LONP1: variants seen among roughly 807,000 people sequenced by gnomAD.
LONP1 encodes the protein lon peptidase 1, mitochondrial, also known as lon protease homolog, mitochondrial.
A neutral mutation model predicts 98.5 loss-of-function variants in LONP1; 31 were observed. That is an observed-to-expected ratio of 0.31 (90% CI 0.24 to 0.42). The LOEUF is 0.42. Ranked by LOEUF, LONP1 falls within the 20% of genes least tolerant of loss-of-function variation. The pLI is 1.00. For missense variants in LONP1, 1,336 were observed against 1,350.6 expected (o/e 0.99, Z 0.17); for synonymous variants, 781 against 594.7 (o/e 1.31, Z -4.56).
At chr19:5,705,390 G>A (rs551412598) in intron 8 of LONP1, among the ~76,000 whole-genome samples, 29 of 150,854 alleles carry the variant, frequency 1.9e-4, no homozygotes, top group South Asian at 1.5e-3. Context: ...CCCGCAAAGC[G>A]GAAGTTGCAG....
chr19:5,700,156 C>T (rs2055014482), intron 9 of LONP1, among the ~76,000 whole-genome samples: 1 of 152,050 alleles, frequency 6.6e-6, no homozygotes, highest in Non-Finnish European at 1.5e-5. Context: ...TCTTGTTGCC[C>T]AGGCTGGAGT....
At chr19:5,694,625 CAG>C (rs1198511839) in intron 14 of LONP1, 73 bp from the exon 15 acceptor site, 34 of 1,544,106 alleles carry the variant, frequency 2.2e-5, no homozygotes, top group Non-Finnish European at 2.6e-5. Context: ...GTGACGGGCA[CAG>C]AAAGGTGTGA....
At position 5,719,742 on chromosome 19, in the gene LONP1, G is replaced by A. The variant is rs918637229; in HGVS notation, c.391C>T (p.Arg131Cys). The A allele has an allele frequency of 1.9e-6, 3 of 1,613,742 alleles. No homozygotes were observed. The highest frequency in any genetic ancestry group is 2.2e-5 in the East Asian group (1 of 44,892). The change falls in exon 1 of 18, where the codon CGC becomes TGC. Residue 131 changes from arginine (R) to cysteine (C), a missense_variant. Arg to Cys is a radical substitution (Grantham distance 180, BLOSUM62 -3). Coordinates refer to ENST00000360614, the MANE Select transcript of LONP1 (RefSeq NM_004793.4). ...FPHLPLIAIT[R>C]NPVFPRFIKI... ...ATAAAGCGCGGGAACACCGGGTTGC[G>A]GGTGATGGCGATGAGCGGCAGGTGC...
chr19:5,692,082 C>T lies in LONP1; in HGVS notation c.2830G>A (p.Asp944Asn), dbSNP rs138631909. The change falls in exon 18 of 18, where the codon GAC becomes AAC. Residue 944 changes from aspartate to asparagine, a missense_variant. Coordinates refer to ENST00000360614, the MANE Select transcript of LONP1 (RefSeq NM_004793.4). ...HFVEHYREIF[D>N]IAFPDEQAEA... ...GCCTGCTCGTCCGGGAAGGCGATGT[C>T]GAAGATCTCCCGGTAGTGTTCCACG... 45 of 1,614,062 alleles carry T rather than the reference C, an allele frequency of 2.8e-5. No individual in the cohort carries two copies. The highest frequency in any genetic ancestry group is 3.5e-5 in the Non-Finnish European group (41 of 1,179,974).
chr19:5,697,610 G>A (rs1568314489), intron 10 of LONP1, among the ~76,000 whole-genome samples: 1 of 146,474 alleles, frequency 6.8e-6, no homozygotes, highest in Non-Finnish European at 1.5e-5. Context: ...GGAGGGGGTG[G>A]GGCAGGTCAT....
At chr19:5,702,549 G>A (rs978276492) in intron 8 of LONP1, among the ~76,000 whole-genome samples, 5 of 150,754 alleles carry the variant, frequency 3.3e-5, no homozygotes, top group Non-Finnish European at 7.4e-5. Flanking sequence ...CATTGAGAAC[G>A]GGCCATGATG....
In LONP1 at chr19:5,720,026, C is replaced by A; in HGVS notation, c.107G>T (p.Gly36Val). The stretch of plus-strand genomic sequence containing the variant: ...CCGCTGGCCTCGGAGCAACCACGCT[C>A]CTGCTGCAGTGGGAACCCGCCCCCC... ...AAGGRVPTAAGAWLLRGQRTC... is the reference protein window; with the variant it reads ...AAGGRVPTAAVAWLLRGQRTC... The change falls in exon 1 of 18, where the codon GGA (glycine) becomes GTA (valine). Residue 36 changes from glycine to valine, a missense_variant. Physicochemically the swap from Gly to Val is moderately radical, Grantham distance 109. Transcript: ENST00000360614. The A allele has an allele frequency of 6.4e-7, 1 of 1,564,158 alleles. No individual in the cohort carries two copies. Among genetic ancestry groups the A allele is most frequent in the Admixed American group, 1.9e-5 (1 of 53,144 alleles).
rs748288041 is a variant in LONP1, at chr19:5,719,667, G to T, written c.429+37C>A. On this transcript the variant is annotated intron_variant, in intron 1 of 17. Coordinates refer to ENST00000360614, the MANE Select transcript of LONP1 (RefSeq NM_004793.4). Reference sequence around the variant, plus strand: ...ACGGTTCAGCCCGCTGCTTGCACAGGTGGGAAACCTGAGGCCGAGGCGGGG... The same window carrying T: ...ACGGTTCAGCCCGCTGCTTGCACAGTTGGGAAACCTGAGGCCGAGGCGGGG... 4 of 1,613,444 alleles carry T rather than the reference G, an allele frequency of 2.5e-6. No individual in the cohort carries two copies. In the East Asian group the frequency reaches 8.9e-5, roughly 36 times the overall value.
chr19:5,707,941 T>C, intron 5 of LONP1, 115 bp from the exon 6 acceptor site: 4 of 1,225,164 alleles, frequency 3.3e-6, no homozygotes, highest in Non-Finnish European at 4.5e-6. Context: ...ATGGGCACGG[T>C]CTAGGGGTGC....
At chr19:5,709,979 A>T (rs962832892) in intron 4 of LONP1, among the ~76,000 whole-genome samples, 1 of 149,338 alleles carries the variant, frequency 6.7e-6, no homozygotes, top group Non-Finnish European at 1.5e-5. Flanking sequence ...TTCTAATCAC[A>T]TTTGTAAGTT....
intron 17 of LONP1, 37 bp downstream of exon 17, chr19:5,693,261 C>A: frequency 6.3e-7 from 1 of 1,579,174 alleles, no homozygotes. Flanking sequence ...TGGTGTGGGC[C>A]CTGCCAGTGC....
At position 5,711,786 on chromosome 19, in the gene LONP1, G is replaced by A; in HGVS notation, c.855C>T (p.Val285=). 1 of 1,609,316 alleles carries A rather than the reference G, an allele frequency of 6.2e-7. No homozygotes were observed. The highest frequency in any genetic ancestry group is 8.5e-7 in the Non-Finnish European group (1 of 1,177,236). ...ACGGACTCACTTTCACCTCCTCCGT[G>A]ACCTGGAAGTCCTCGTGGACAACGT... is the stretch of plus-strand genomic sequence containing the variant. The part of the protein sequence containing the change: ...VENVVHEDFQ[V]TEEVKALTAE... Residue 285 remains valine, a synonymous_variant, in exon 4 of 18, where the codon GTC becomes GTT. Transcript: ENST00000360614.
chr19:5,694,614 GGTGACGGGCACAGAAAGGT>G (rs1488709616), intron 14 of LONP1, 62 bp from the exon 15 acceptor site: 16 of 1,585,366 alleles, frequency 1.0e-5, no homozygotes, highest in African/African-American at 2.7e-5. Flanking sequence ...GGGGTGGTGG[GGTGACGGGCACAGAAAGGT>G]GTGACGGGCG....
intron 1 of LONP1, among the ~76,000 whole-genome samples, chr19:5,718,118 CTAGGA>C (rs1362611914): frequency 2.6e-5 from 4 of 152,056 alleles, no homozygotes; most frequent in Admixed American, 2.6e-4. Context: ...GGTTATGGAG[CTAGGA>C]TAGGACCCCA....
Position 5,711,934 on chromosome 19 carries a change from C to G in LONP1, c.707G>C (p.Arg236Pro), listed in dbSNP as rs200781774. Residue 236 changes from arginine (R) to proline (P), a missense_variant, in exon 4 of 18, where the codon CGC (arginine) becomes CCC (proline). Physicochemically the swap from Arg to Pro is moderately radical, Grantham distance 103. Around this residue, in one of 5 missense-constraint regions of LONP1, gnomAD observed 457 missense variants for 403.1 expected, o/e 1.13. Coordinates refer to ENST00000360614, the MANE Select transcript of LONP1 (RefSeq NM_004793.4). Reference protein sequence around the residue: ...EPEAENKHKPRRKSKRGKKEA... With the variant: ...EPEAENKHKPPRKSKRGKKEA... ...CTTCTTGCCCCGCTTTGACTTCCTG[C>G]GGGGCTTGTGCTTGTTCTCCGCCTC... 1 of 1,613,240 alleles carries G rather than the reference C, an allele frequency of 6.2e-7. No individual in the cohort carries two copies. The highest frequency in any genetic ancestry group is 1.7e-5 in the Admixed American group (1 of 60,020).
In LONP1 at chr19:5,700,851, G is replaced by T; in HGVS notation, c.1444C>A (p.Arg482=). Residue 482 remains arginine (R), a synonymous_variant, in exon 9 of 18, where the codon CGG becomes AGG. Transcript: ENST00000360614. ...KYSNENLDLA[R]AQAVLEEDHY... is the part of the protein sequence containing the mutation. Reference sequence around the variant, plus strand: ...TCTTCCTCCAGCACTGCCTGTGCCCGCGCCAGGTCCAGGTTCTCGTTGCTG... The same window carrying T: ...TCTTCCTCCAGCACTGCCTGTGCCCTCGCCAGGTCCAGGTTCTCGTTGCTG... 1 of 1,614,172 alleles carries T rather than the reference G, an allele frequency of 6.2e-7. No homozygotes were observed. Among genetic ancestry groups the T allele is most frequent in the Non-Finnish European group, 8.5e-7 (1 of 1,180,030 alleles).
chr19:5,709,680 C>A (rs1272088359), intron 4 of LONP1, among the ~76,000 whole-genome samples: 1 of 151,792 alleles, frequency 6.6e-6, no homozygotes, highest in Non-Finnish European at 1.5e-5. Context: ...GATGCTAAGG[C>A]GGGCGGATCA....
rs551127113 is a variant in LONP1 at position 5,702,219 on chromosome 19, C to T, written c.1368-1292G>A. ...GAGGGAGGAGTGGGGGTCAGCCCCC[C>T]GCCCGGCTAGCCGCCCCGTCTGGGA... On this transcript the variant is annotated intron_variant, in intron 8 of 17. Coordinates refer to ENST00000360614, the MANE Select transcript of LONP1 (RefSeq NM_004793.4). Among the ~76,000 whole-genome samples the T allele has an allele frequency of 6.2e-3, 931 of 149,586 alleles. 4 individuals are homozygous for T. The highest frequency in any genetic ancestry group is 0.01 in the Non-Finnish European group (676 of 67,236).
intron 10 of LONP1, 97 bp downstream of exon 10, chr19:5,698,930 G>C (rs530182694): frequency 7.7e-7 from 1 of 1,298,530 alleles, no homozygotes; most frequent in Non-Finnish European, 1.0e-6. Flanking sequence ...CCACAACCCG[G>C]ATTGCTCTAC....
Sources: gnomAD v4.1 joint callset for allele counts (sites outside exome capture counted in the v4.1 genomes callset) on GRCh38, gnomAD v4.1.1 for gene constraint, gnomAD v4.1.1 regional missense constraint, MANE v1.5 for transcripts, NCBI Gene and HGNC (gene_info 2026-07-23, HGNC 2026-07-21) for gene names.